Variants in CBLB observed in about 807,000 individuals in gnomAD.
The protein encoded by CBLB is Cbl proto-oncogene B.
CBLB carries 31 observed loss-of-function variants against 104.9 expected under a neutral mutation model. The ratio of observed to expected loss-of-function variants is 0.30; its 90% CI spans 0.22 to 0.40. The LOEUF (loss-of-function observed/expected upper bound fraction) is 0.40. CBLB is among the 10% of genes least tolerant of loss of function. CBLB has a pLI of 1.00. For missense variants in CBLB, 1,062 were observed against 1,214.6 expected (o/e 0.87, Z 1.87); for synonymous variants, 440 against 422.6 (o/e 1.04, Z -0.51).
intron 3 of CBLB, among the ~76,000 whole-genome samples, chr3:105,849,916 A>G (rs889336357): frequency 2.6e-5 from 4 of 152,138 alleles, no homozygotes; most frequent in Non-Finnish European, 5.9e-5. Context: ...AATTTAACAT[A>G]AATATCTGAC....
At chr3:105,667,402 AAG>A (rs2064588357) in intron 18 of CBLB, among the ~76,000 whole-genome samples, 1 of 152,152 alleles carries the variant, frequency 6.6e-6, no homozygotes, top group African/African-American at 2.4e-5. Flanking sequence ...ACATAGATAG[AAG>A]AGACATGTGC....
chr3:105,786,337 A>G lies in CBLB; in HGVS notation c.420-9795T>C, dbSNP rs531929241. ...ACAAAAATGTCATTAAAAAGCCATT[A>G]TATTGATGTTCTCTGATAAACCTGA... On this transcript the variant is annotated intron_variant, in intron 3 of 18. Coordinates refer to ENST00000394030, the MANE Select transcript of CBLB (RefSeq NM_170662.5). 1.8e-3 allele frequency among the ~76,000 whole-genome samples: 277 copies of G among 152,200 alleles called. No individual in the cohort carries two copies. In the Middle Eastern group the frequency reaches 0.027, roughly 15 times the overall value.
intron 6 of CBLB, among the ~76,000 whole-genome samples, chr3:105,745,668 T>C (rs536815235): frequency 6.6e-6 from 1 of 152,346 alleles, no homozygotes; most frequent in East Asian, 1.9e-4. Flanking sequence ...ATTTTGCACA[T>C]AAACACGGAT....
chr3:105,861,535 T>G (rs1366732760), intron 2 of CBLB, among the ~76,000 whole-genome samples: 2 of 151,980 alleles, frequency 1.3e-5, no homozygotes, highest in Non-Finnish European at 2.9e-5. Context: ...GTTCCTACTC[T>G]TTCCCTCCCA....
At chr3:105,734,184 C>T in intron 8 of CBLB, 44 bp from the exon 9 acceptor site, 1 of 1,602,806 alleles carries the variant, frequency 6.2e-7, no homozygotes, top group South Asian at 1.1e-5. Flanking sequence ...AATGTATTTC[C>T]AGCACAAATT....
At chr3:105,741,954 A>T (rs941643187) in intron 6 of CBLB, among the ~76,000 whole-genome samples, 22 of 152,370 alleles carry the variant, frequency 1.4e-4, no homozygotes, top group African/African-American at 5.3e-4. Flanking sequence ...GGAAGTTAAG[A>T]TAGTTCAAAA....
intron 4 of CBLB, among the ~76,000 whole-genome samples, chr3:105,753,997 G>A (rs939873102): frequency 6.6e-6 from 1 of 152,226 alleles, no homozygotes. Flanking sequence ...GCATTCACTG[G>A]AATCTTAATT....
At chr3:105,802,988 G>A (rs765180851) in intron 3 of CBLB, among the ~76,000 whole-genome samples, 43 of 152,204 alleles carry the variant, frequency 2.8e-4, no homozygotes, top group Non-Finnish European at 5.1e-4. Flanking sequence ...ACTGAAGCAG[G>A]TACTATTTAA....
At chr3:105,732,662 A>G (rs577765516) in intron 9 of CBLB, among the ~76,000 whole-genome samples, 407 of 152,258 alleles carry the variant, frequency 2.7e-3, no homozygotes, top group Middle Eastern at 0.01. Context: ...AGGCCCTTTT[A>G]TGACTATGAA....
At chr3:105,729,816 CT>C (rs1559990337) in intron 9 of CBLB, among the ~76,000 whole-genome samples, 1 of 152,018 alleles carries the variant, frequency 6.6e-6, no homozygotes, top group African/African-American at 2.4e-5. Context: ...CTTTATAGGA[CT>C]TTTATTTTTA....
intron 3 of CBLB, among the ~76,000 whole-genome samples, chr3:105,786,899 T>G (rs1012230645): frequency 6.6e-6 from 1 of 152,212 alleles, no homozygotes. Context: ...CCCAACCAGA[T>G]GATTCAATTA....
intron 6 of CBLB, among the ~76,000 whole-genome samples, chr3:105,744,838 G>A (rs564149400): frequency 6.6e-6 from 1 of 152,146 alleles, no homozygotes; most frequent in African/African-American, 2.4e-5. Context: ...GTTAAGGCAG[G>A]AGAATTGCTC....
intron 5 of CBLB, among the ~76,000 whole-genome samples, chr3:105,750,178 C>T (rs2301033): frequency 0.022 from 3,414 of 152,114 alleles, 90 homozygotes; most frequent in East Asian, 0.12. Context: ...ATCACCACGC[C>T]CAGCTAATTT....
intron 3 of CBLB, among the ~76,000 whole-genome samples, chr3:105,829,215 C>T (rs1471093485): frequency 6.6e-6 from 1 of 152,034 alleles, no homozygotes; most frequent in Non-Finnish European, 1.5e-5. Flanking sequence ...TTAGGAAATA[C>T]AAGTTACTTT....
chr3:105,718,255 TGTA>T (rs1348090175), intron 10 of CBLB, among the ~76,000 whole-genome samples: 1 of 152,190 alleles, frequency 6.6e-6, no homozygotes, highest in East Asian at 1.9e-4. Context: ...AGTGAAATCG[TGTA>T]GTTTCTCTGA....
chr3:105,671,492 G>A (rs1039319113), intron 17 of CBLB: 2 of 214,530 alleles, frequency 9.3e-6, no homozygotes, highest in Admixed American at 5.9e-5. Context: ...CACAAATTCA[G>A]ATTGTTCACA....
chr3:105,724,298 A>G (rs1390929132), intron 9 of CBLB: 1 of 156,174 alleles, frequency 6.4e-6, no homozygotes, highest in Non-Finnish European at 1.4e-5. Context: ...TGGACAAGGA[A>G]AAAAGACATT....
chr3:105,707,697 C>G (rs2070384588), intron 10 of CBLB, among the ~76,000 whole-genome samples: 1 of 151,584 alleles, frequency 6.6e-6, no homozygotes. Flanking sequence ...GTGTTTTTTC[C>G]TTCCTATTTG....
rs966331112 is a variant in CBLB, at chr3:105,658,361, A to G, written c.*609T>C. 7.6e-5 allele frequency: 17 copies of G among 223,808 alleles called. No homozygotes were observed. Among genetic ancestry groups the G allele is most frequent in the Non-Finnish European group, 8.9e-6 (1 of 112,066 alleles). 13.9% of individuals were successfully genotyped at this position (223,808 alleles called of 1,614,324 possible). On this transcript the variant is annotated 3_prime_UTR_variant, in exon 19 of 19. Transcript: ENST00000394030. ...CCATCTCTCAATAGTGATGGTTTCC[A>G]AAGAAGAAACTCAGTAGTGAAGAAT...
Sources: gnomAD v4.1 joint callset for allele counts (sites outside exome capture counted in the v4.1 genomes callset) on GRCh38, gnomAD v4.1.1 for gene constraint, MANE v1.5 for transcripts, NCBI Gene and HGNC (gene_info 2026-07-23, HGNC 2026-07-21) for gene names.